MEIS1: variants seen among roughly 807,000 people sequenced by gnomAD.
MEIS1 encodes the protein homeobox protein Meis1.
A neutral mutation model predicts 50.8 loss-of-function variants in MEIS1; 5 were observed. That is an observed-to-expected ratio of 0.10 (90% CI 0.05 to 0.21). The LOEUF is 0.21. MEIS1 is among the 10% of genes least tolerant of loss of function. The pLI is 1.00. For synonymous variants in MEIS1, 176 were observed against 179.3 expected, an observed-to-expected ratio of 0.98 and a Z score of 0.15; for missense variants, 318 against 517.3, an observed-to-expected ratio of 0.61 and a Z score of 3.74.
chr2:66,499,974 C>T lies in MEIS1; in HGVS notation c.743-12175C>T, dbSNP rs552570286. Among the ~76,000 whole-genome samples, 630 of 152,048 alleles carry T rather than the reference C, an allele frequency of 4.1e-3. 1 individual carries two copies. Among genetic ancestry groups the T allele is most frequent in the Middle Eastern group, 0.017 (5 of 294 alleles). On this transcript the variant is annotated intron_variant, in intron 7 of 12. Coordinates refer to ENST00000272369, the MANE Select transcript of MEIS1 (RefSeq NM_002398.3). ...GTTAAGCATTTATATGGCTTTTTTT[C>T]CTATGCTAAAAGGGCCTTGTGTGCA...
chr2:66,459,696 G>A (rs1012816264), intron 6 of MEIS1, among the ~76,000 whole-genome samples: 3 of 152,148 alleles, frequency 2.0e-5, no homozygotes, highest in African/African-American at 7.2e-5. Flanking sequence ...GGTGGAGAGA[G>A]AGAGATAGAG....
chr2:66,531,338 T>G (rs1330364477), intron 8 of MEIS1, among the ~76,000 whole-genome samples: 1 of 152,204 alleles, frequency 6.6e-6, no homozygotes, highest in African/African-American at 2.4e-5. Context: ...AACAGTTAGC[T>G]CAGTGTGATC....
chr2:66,559,998 T>G (rs1675171835), intron 9 of MEIS1, among the ~76,000 whole-genome samples: 1 of 151,878 alleles, frequency 6.6e-6, no homozygotes, highest in Admixed American at 6.6e-5. Flanking sequence ...GGTTTTACCA[T>G]GTTGCCCATG....
chr2:66,549,425 C>A (rs1004651044), intron 9 of MEIS1, among the ~76,000 whole-genome samples: 1 of 151,736 alleles, frequency 6.6e-6, no homozygotes, highest in Non-Finnish European at 1.5e-5. Flanking sequence ...CTATTTCTAC[C>A]TGCTACTGTG....
At chr2:66,448,783 G>T (rs1242167921) in intron 6 of MEIS1, among the ~76,000 whole-genome samples, 1 of 152,046 alleles carries the variant, frequency 6.6e-6, no homozygotes, top group Non-Finnish European at 1.5e-5. Flanking sequence ...GACTAGCAGG[G>T]AAATGATCAA....
intron 6 of MEIS1, among the ~76,000 whole-genome samples, chr2:66,459,278 A>G (rs1174989734): frequency 1.3e-5 from 2 of 152,204 alleles, no homozygotes; most frequent in African/African-American, 2.4e-5. Context: ...AATAAGCAGC[A>G]GAGTATTTGT....
Position 66,478,321 on chromosome 2 carries a change from T to C in MEIS1, c.742+14101T>C, listed in dbSNP as rs186480906. 5.9e-5 allele frequency among the ~76,000 whole-genome samples: 9 copies of C among 152,348 alleles called. No individual in the cohort carries two copies. The East Asian group carries it at 1.7e-3, about 29-fold the overall frequency. ...CCAAGAATAGACCTTAGGCTCATTT[T>C]CCATAACTGAAATGGAAGCAATAGG... On this transcript the variant is annotated intron_variant, in intron 7 of 12. Transcript: ENST00000272369.
At chr2:66,504,091 A>T (rs764705413) in intron 7 of MEIS1, among the ~76,000 whole-genome samples, 1 of 151,772 alleles carries the variant, frequency 6.6e-6, no homozygotes, top group Non-Finnish European at 1.5e-5. Flanking sequence ...TTAGCGGAGG[A>T]GGGGGAGCAG....
At chr2:66,478,488 G>C (rs1390010627) in intron 7 of MEIS1, among the ~76,000 whole-genome samples, 5 of 152,174 alleles carry the variant, frequency 3.3e-5, no homozygotes, top group African/African-American at 9.7e-5. Context: ...TCCGTAAGTT[G>C]CATATGGCAT....
intron 8 of MEIS1, among the ~76,000 whole-genome samples, chr2:66,534,887 G>A (rs1047728254): frequency 1.3e-5 from 2 of 152,150 alleles, no homozygotes; most frequent in African/African-American, 4.8e-5. Flanking sequence ...CACTATTTAA[G>A]ACTTTTTGGC....
At chr2:66,435,925 C>T in intron 1 of MEIS1, 57 bp downstream of exon 1, 3 of 1,477,680 alleles carry the variant, frequency 2.0e-6, no homozygotes, top group South Asian at 2.6e-5. Flanking sequence ...GAAACGTGGC[C>T]GAAAGACACT....
At chr2:66,441,132 G>A (rs1336626958) in intron 4 of MEIS1, 2 of 427,488 alleles carry the variant, frequency 4.7e-6, no homozygotes, top group African/African-American at 2.1e-5. Flanking sequence ...TTGGGGTGGG[G>A]TGGGGCCAGT....
intron 6 of MEIS1, among the ~76,000 whole-genome samples, chr2:66,456,481 G>C (rs1403186889): frequency 6.6e-6 from 1 of 152,190 alleles, no homozygotes; most frequent in Non-Finnish European, 1.5e-5. Context: ...TGTGAGAAGA[G>C]GCAGTGTGGT....
intron 1 of MEIS1, among the ~76,000 whole-genome samples, chr2:66,436,478 C>G (rs1436661195): frequency 6.6e-6 from 1 of 152,120 alleles, no homozygotes; most frequent in Non-Finnish European, 1.5e-5. Context: ...TACTAATTTC[C>G]CCATATTCCT....
Position 66,440,568 on chromosome 2 carries a change from G to A in MEIS1, c.388G>A (p.Ala130Thr). 2 of 1,612,234 alleles carry A rather than the reference G, an allele frequency of 1.2e-6. No individual in the cohort carries two copies. The highest frequency in any genetic ancestry group is 1.3e-5 in the African/African-American group (1 of 74,754). ...CCTTCTCACTTGTATTTAGATTCGC[G>A]CAGAAAAACCTCTATTTTCTTCTAA... ...DIAVFAKQIR[A>T]EKPLFSSNPE... The change falls in exon 4 of 13, where the codon GCA (alanine) becomes ACA (threonine). Residue 130 changes from alanine (A) to threonine (T), a missense_variant. Physicochemically the swap from Ala to Thr is moderately conservative, Grantham distance 58. Around this residue, in one of 6 missense-constraint regions of MEIS1, gnomAD observed 75 missense variants for 153.7 expected, o/e 0.49. Transcript: ENST00000272369.
At chr2:66,531,996 C>T (rs981237260) in intron 8 of MEIS1, among the ~76,000 whole-genome samples, 21 of 151,774 alleles carry the variant, frequency 1.4e-4, no homozygotes, top group African/African-American at 5.1e-4. Flanking sequence ...TTGGGTGGAC[C>T]AGATGTCCTT....
chr2:66,502,750 G>T (rs750041022), intron 7 of MEIS1, among the ~76,000 whole-genome samples: 1 of 152,162 alleles, frequency 6.6e-6, no homozygotes, highest in Non-Finnish European at 1.5e-5. Flanking sequence ...AAAAGATACA[G>T]AAAGGGAGGT....
At chr2:66,482,600 C>T (rs1391725080) in intron 7 of MEIS1, among the ~76,000 whole-genome samples, 3 of 152,216 alleles carry the variant, frequency 2.0e-5, no homozygotes, top group Non-Finnish European at 4.4e-5. Context: ...TCAGGCACTG[C>T]TTAGCATTAT....
chr2:66,437,633 G>A, intron 1 of MEIS1, 104 bp from the exon 2 acceptor site: 2 of 974,270 alleles, frequency 2.1e-6, no homozygotes, highest in South Asian at 2.8e-5. Flanking sequence ...ATTCCGGGTG[G>A]AAGGACCCAG....
Sources: allele counts gnomAD v4.1 joint callset (sites outside exome capture counted in the v4.1 genomes callset), GRCh38; gene constraint gnomAD v4.1.1; regional missense constraint gnomAD v4.1.1; transcripts MANE v1.5; gene names NCBI Gene and HGNC (gene_info 2026-07-23, HGNC 2026-07-21).